The following VPS13B variants were observed in gnomAD, a reference collection of about 807,000 sequenced individuals.
The protein encoded by VPS13B is intermembrane lipid transfer protein VPS13B.
A neutral mutation model predicts 426.4 loss-of-function variants in VPS13B; 285 were observed. The observed-to-expected ratio is 0.67, with a 90% CI of 0.61 to 0.74. VPS13B has a LOEUF of 0.74. Among genes scored for constraint, VPS13B ranks in the 30% least tolerant of loss-of-function variants. The pLI is 0.00. For missense variants in VPS13B, 4,537 were observed against 4,782.6 expected (o/e 0.95, Z 1.51); for synonymous variants, 1,676 against 1,676.4 (o/e 1.00, Z 0.01).
At chr8:99,309,119 C>T (rs1472952670) in intron 19 of VPS13B, among the ~76,000 whole-genome samples, 2 of 152,124 alleles carry the variant, frequency 1.3e-5, no homozygotes, top group East Asian at 1.9e-4. Flanking sequence ...AATTTTCTCC[C>T]ATTCTGTAGG....
chr8:99,272,195 A>G (rs1486668825), intron 17 of VPS13B, among the ~76,000 whole-genome samples: 1 of 152,170 alleles, frequency 6.6e-6, no homozygotes, highest in Non-Finnish European at 1.5e-5. Context: ...AAAATAAAGG[A>G]TGGAATTATT....
chr8:99,843,025 C>T (rs998058009), intron 54 of VPS13B, among the ~76,000 whole-genome samples: 14 of 152,048 alleles, frequency 9.2e-5, no homozygotes, highest in East Asian at 3.9e-4. Context: ...TGGTGGCAAA[C>T]GCCTGTAATC....
At chr8:99,714,976 T>G (rs984150400) in intron 36 of VPS13B, among the ~76,000 whole-genome samples, 1 of 152,216 alleles carries the variant, frequency 6.6e-6, no homozygotes, top group African/African-American at 2.4e-5. Context: ...AATGTGGATT[T>G]CCTGATTTCA....
At position 99,393,514 on chromosome 8, in the gene VPS13B, A is replaced by G. The variant is rs961031729; in HGVS notation, c.3082+1810A>G. Among the ~76,000 whole-genome samples, 4 of 152,220 alleles carry G rather than the reference A, an allele frequency of 2.6e-5. No individual in the cohort carries two copies. The South Asian group carries it at 8.3e-4, about 32-fold the overall frequency. Reference sequence around the variant, plus strand: ...TTAGAATTAAGGATAATTGCATTTTATGTCTTTGGTGTTCCCCCACCTTTA... The same window carrying G: ...TTAGAATTAAGGATAATTGCATTTTGTGTCTTTGGTGTTCCCCCACCTTTA... On this transcript the variant is annotated intron_variant, in intron 21 of 61. Transcript: ENST00000357162.
intron 16 of VPS13B, among the ~76,000 whole-genome samples, chr8:99,173,326 A>T (rs181321639): frequency 6.6e-6 from 1 of 152,252 alleles, no homozygotes; most frequent in Admixed American, 6.5e-5. Flanking sequence ...AACTGAAGGC[A>T]TCATTTGCCC....
chr8:99,424,751 G>A (rs550308447), intron 21 of VPS13B, among the ~76,000 whole-genome samples: 33 of 151,734 alleles, frequency 2.2e-4, no homozygotes, highest in East Asian at 3.9e-4. Flanking sequence ...CCTTCAAAAC[G>A]CTTCAAAAAA....
intron 3 of VPS13B, among the ~76,000 whole-genome samples, chr8:99,047,093 A>G (rs1056175803): frequency 6.6e-6 from 1 of 152,106 alleles, no homozygotes; most frequent in Non-Finnish European, 1.5e-5. Flanking sequence ...AATACTGTCA[A>G]TAGGATTGGT....
intron 59 of VPS13B, among the ~76,000 whole-genome samples, chr8:99,869,626 G>C (rs7009713): frequency 0.25 from 38,351 of 152,070 alleles, 6,545 homozygotes; most frequent in African/African-American, 0.49. Context: ...CCTTATGATA[G>C]GGACTCCAGT....
chr8:99,341,901 G>A (rs1354230981), intron 19 of VPS13B: 1 of 160,988 alleles, frequency 6.2e-6, no homozygotes, highest in Non-Finnish European at 1.4e-5. Context: ...AGCCTGGCCT[G>A]GACAGCGCAG....
rs151075908 is a variant in VPS13B at position 99,801,991 on chromosome 8, G to A, written c.7942-7384G>A. ...ACGGCAAAACACTATCTCTACAAAA[G>A]ATACAAAAATTAGTCGGGCATTATG... is the stretch of plus-strand genomic sequence containing the variant. On this transcript the variant is annotated intron_variant, in intron 43 of 61. Coordinates refer to ENST00000357162, the MANE Select transcript of VPS13B (RefSeq NM_152564.5). 4.8e-4 allele frequency among the ~76,000 whole-genome samples: 73 copies of A among 151,992 alleles called. 2 individuals are homozygous for A. The East Asian group carries it at 0.011, about 24-fold the overall frequency.
intron 58 of VPS13B, chr8:99,867,967 CA>C (rs1391226631): frequency 2.7e-6 from 1 of 365,424 alleles, no homozygotes; most frequent in Admixed American, 3.9e-5. Flanking sequence ...TCCTCTCTCT[CA>C]ACTTTGTTGC....
rs140483734 is a variant in VPS13B at position 99,340,728 on chromosome 8, T to C, written c.2825-43480T>C. Reference sequence around the variant, plus strand: ...CCAGGTTCAGGAGCAGCCTGGGGCATGCTAGTAGATGTGGCCTGCTGCTGG... The same window carrying C: ...CCAGGTTCAGGAGCAGCCTGGGGCACGCTAGTAGATGTGGCCTGCTGCTGG... On this transcript the variant is annotated intron_variant, in intron 19 of 61. Coordinates refer to ENST00000357162, the MANE Select transcript of VPS13B (RefSeq NM_152564.5). The C allele has an allele frequency of 2.9e-3, 1,018 of 350,718 alleles. 14 individuals are homozygous for C. The highest frequency in any genetic ancestry group is 0.021 in the African/African-American group (949 of 45,790). The allele number at this position is 350,718 out of a possible 1,614,324, so 21.7% of individuals were successfully genotyped here.
chr8:99,020,367 T>C (rs1346453665), intron 2 of VPS13B, among the ~76,000 whole-genome samples: 2 of 152,182 alleles, frequency 1.3e-5, no homozygotes, highest in African/African-American at 4.8e-5. Context: ...AGGAGTTCTT[T>C]ATGTATTGTG....
chr8:99,501,725 A>T lies in VPS13B; in HGVS notation c.3909A>T (p.Ser1303=), dbSNP rs779666289. ...SIQAGEESPF[S]DSVTLEQTTS... ...AAGCAGGTGAGGAATCACCATTCTC[A>T]GATTCTGTGACCTTGGAACAAACTA... The change falls in exon 26 of 62, where the codon TCA becomes TCT. Residue 1303 remains serine, a synonymous_variant. Coordinates refer to ENST00000357162, the MANE Select transcript of VPS13B (RefSeq NM_152564.5). The T allele has an allele frequency of 3.1e-6, 5 of 1,613,960 alleles. No homozygotes were observed. The highest frequency in any genetic ancestry group is 4.2e-6 in the Non-Finnish European group (5 of 1,180,020).
intron 59 of VPS13B, among the ~76,000 whole-genome samples, chr8:99,870,168 C>G (rs569559334): frequency 5.9e-5 from 9 of 152,166 alleles, no homozygotes; most frequent in Non-Finnish European, 8.8e-5. Flanking sequence ...AGTTAACTAA[C>G]AATCTAGACT....
At chr8:99,108,337 A>T (rs907936073) in intron 5 of VPS13B, among the ~76,000 whole-genome samples, 1 of 152,158 alleles carries the variant, frequency 6.6e-6, no homozygotes, top group Admixed American at 6.6e-5. Flanking sequence ...TGGTAGAAAG[A>T]TTTATATTCA....
At chr8:99,289,198 G>A (rs997817750) in intron 19 of VPS13B, among the ~76,000 whole-genome samples, 2 of 152,046 alleles carry the variant, frequency 1.3e-5, no homozygotes, top group Admixed American at 6.6e-5. Context: ...GGAAACTAAT[G>A]GAAGTTAATA....
intron 43 of VPS13B, among the ~76,000 whole-genome samples, chr8:99,806,336 G>T (rs973368955): frequency 1.3e-5 from 2 of 152,072 alleles, no homozygotes; most frequent in African/African-American, 4.8e-5. Context: ...TGTCTTTTTG[G>T]CATGGGAAGG....
intron 39 of VPS13B, among the ~76,000 whole-genome samples, chr8:99,742,052 G>A (rs4342557): frequency 0.031 from 4,672 of 152,236 alleles, 93 homozygotes; most frequent in East Asian, 0.046. Flanking sequence ...CTTTTGAAAC[G>A]ATCAACAAAA....
Sources: gnomAD v4.1 joint callset for allele counts (sites outside exome capture counted in the v4.1 genomes callset) on GRCh38, gnomAD v4.1.1 for gene constraint, MANE v1.5 for transcripts, NCBI Gene and HGNC (gene_info 2026-07-23, HGNC 2026-07-21) for gene names.